Variants in STX19 observed in about 807,000 individuals in gnomAD.
STX19 encodes the protein syntaxin 19, also known as syntaxin-19.
A neutral mutation model predicts 24.3 loss-of-function variants in STX19; 26 were observed. The ratio of observed to expected loss-of-function variants is 1.07; its 90% CI spans 0.78 to 1.48. The LOEUF is 1.48. STX19 is among the 40% of genes most tolerant of loss of function. STX19 has a pLI of 0.00. For missense variants in STX19, 367 were observed against 331.9 expected, an observed-to-expected ratio of 1.11 and a Z score of -0.82; for synonymous variants, 116 against 106.9, an observed-to-expected ratio of 1.09 and a Z score of -0.52.
intron 1 of STX19, among the ~76,000 whole-genome samples, chr3:94,022,676 T>C (rs1470437684): frequency 6.6e-6 from 1 of 152,090 alleles, no homozygotes; most frequent in African/African-American, 2.4e-5. Flanking sequence ...GTTTTTTCAA[T>C]GGATAGAGAT....
intron 1 of STX19, among the ~76,000 whole-genome samples, chr3:94,024,351 C>T (rs995060508): frequency 7.9e-5 from 12 of 152,012 alleles, no homozygotes; most frequent in African/African-American, 2.2e-4. Flanking sequence ...AGCTCAGAGG[C>T]GAGAGAAAGA....
At chr3:94,026,227 G>A (rs1416702509) in intron 1 of STX19, among the ~76,000 whole-genome samples, 4 of 152,134 alleles carry the variant, frequency 2.6e-5, no homozygotes, top group Admixed American at 6.5e-5. Flanking sequence ...CACCGTGTGA[G>A]CCAGGAGAAA....
intron 1 of STX19, among the ~76,000 whole-genome samples, chr3:94,017,071 A>G (rs970705183): frequency 6.6e-6 from 1 of 152,184 alleles, no homozygotes; most frequent in East Asian, 1.9e-4. Context: ...GGTAAGGGGA[A>G]CTCAATAAAC....
Position 94,014,822 on chromosome 3 carries a change from TAA to T in STX19, c.446_447del (p.Phe149TyrfsTer4). On this transcript the variant is annotated frameshift_variant, in exon 2 of 2. Transcript: ENST00000315099. LOFTEE classifies it high-confidence loss of function. Reference protein sequence around the residue: ...AMFRHFQQIMFIYNDTIAAKQ... With the variant: ...AMFRHFQQIMXIYNDTIAAKQ... ...TTTGCTGCTATTGTGTCATTGTATATAAACATGATTTGCTGAAAATGGCGGAA... is the reference window on the plus strand; with the variant it reads ...TTTGCTGCTATTGTGTCATTGTATATACATGATTTGCTGAAAATGGCGGAA... The T allele has an allele frequency of 6.2e-7, 1 of 1,614,124 alleles. No individual in the cohort carries two copies. The highest frequency in any genetic ancestry group is 8.5e-7 in the Non-Finnish European group (1 of 1,179,992).
At position 94,014,754 on chromosome 3, in the gene STX19, A is replaced by G. The variant is rs767552419; in HGVS notation, c.516T>C (p.Val172=). 5 of 1,613,310 alleles carry G rather than the reference A, an allele frequency of 3.1e-6. No individual in the cohort carries two copies. Among genetic ancestry groups the G allele is most frequent in the Non-Finnish European group, 2.5e-6 (3 of 1,179,740 alleles). ...CKTFILRQLE[V]AGKEMSEEDV... ...CTTCTTCAGACATCTCTTTTCCAGC[A>G]ACTTCAAGCTGACGTAAAATAAATG... The change falls in exon 2 of 2, where the codon GTT becomes GTC. Residue 172 remains valine, a synonymous_variant. Transcript: ENST00000315099.
chr3:94,019,974 T>C (rs2076414422), intron 1 of STX19, among the ~76,000 whole-genome samples: 1 of 152,236 alleles, frequency 6.6e-6, no homozygotes, highest in East Asian at 1.9e-4. Context: ...TTTTGAACTA[T>C]ACCTTCTTTC....
chr3:94,024,364 A>C (rs1333051268), intron 1 of STX19, among the ~76,000 whole-genome samples: 1 of 152,220 alleles, frequency 6.6e-6, no homozygotes, highest in African/African-American at 2.4e-5. Context: ...GAGAAAGAGA[A>C]AGTGGCATCA....
At chr3:94,020,387 T>C (rs1222826256) in intron 1 of STX19, among the ~76,000 whole-genome samples, 2 of 152,212 alleles carry the variant, frequency 1.3e-5, no homozygotes, top group African/African-American at 4.8e-5. Flanking sequence ...CAGCTAGTGG[T>C]AGAGTTGAGA....
chr3:94,015,044 T>C lies in STX19; in HGVS notation c.226A>G (p.Lys76Glu), dbSNP rs776401971. 1.9e-6 allele frequency: 3 copies of C among 1,613,960 alleles called. No homozygotes were observed. The highest frequency in any genetic ancestry group is 2.7e-5 in the African/African-American group (2 of 74,930). Reference protein sequence around the residue: ...DNVQKFGQQQKSLVASMRRFS... With the variant: ...DNVQKFGQQQESLVASMRRFS... ...CTTCTCATTGAAGCCACCAGACTTT[T>C]CTGTTGCTGCCCAAATTTTTGAACA... is the stretch of plus-strand genomic sequence containing the variant. Residue 76 changes from lysine to glutamate, a missense_variant, in exon 2 of 2, where the codon AAA becomes GAA. By Grantham distance (56) the Lys-to-Glu change is moderately conservative. Transcript: ENST00000315099.
chr3:94,027,806 A>G (rs910460340), intron 1 of STX19, among the ~76,000 whole-genome samples: 9 of 152,136 alleles, frequency 5.9e-5, no homozygotes, highest in Non-Finnish European at 1.2e-4. Flanking sequence ...TTGAAATATT[A>G]TAAAGGTTAG....
In STX19 at chr3:94,015,114, A is replaced by G. The variant is rs1280248454; in HGVS notation, c.156T>C (p.His52=). ...TACTTTCCTGTAGTTTTTGGATTTCATGTAGGTGTCTCTCAGCTACAGGCT... is the reference window on the plus strand; with the variant it reads ...TACTTTCCTGTAGTTTTTGGATTTCGTGTAGGTGTCTCTCAGCTACAGGCT... The part of the protein sequence containing the change: ...EREPVAERHL[H]EIQKLQESIN... Residue 52 remains histidine, a synonymous_variant, in exon 2 of 2, where the codon CAT becomes CAC. Transcript: ENST00000315099. 1 of 1,613,814 alleles carries G rather than the reference A, an allele frequency of 6.2e-7. No individual in the cohort carries two copies. Among genetic ancestry groups the G allele is most frequent in the Non-Finnish European group, 8.5e-7 (1 of 1,179,914 alleles).
chr3:94,014,780 T>C lies in STX19; in HGVS notation c.490A>G (p.Thr164Ala). The change falls in exon 2 of 2, where the codon ACA becomes GCA. Residue 164 changes from threonine (T) to alanine (A), a missense_variant. Coordinates refer to ENST00000315099, the MANE Select transcript of STX19 (RefSeq NM_001001850.3). The part of the protein sequence containing the change: ...TIAAKQEKCK[T>A]FILRQLEVAG... ...ACTTCAAGCTGACGTAAAATAAATG[T>C]CTTGCACTTCTCTTGCTTTGCTGCT... 6.2e-7 allele frequency: 1 copy of C among 1,613,944 alleles called. No homozygotes were observed. The highest frequency in any genetic ancestry group is 1.1e-5 in the South Asian group (1 of 91,018).
At chr3:94,018,861 G>A (rs748174408) in intron 1 of STX19, among the ~76,000 whole-genome samples, 2 of 152,144 alleles carry the variant, frequency 1.3e-5, no homozygotes, top group Non-Finnish European at 2.9e-5. Flanking sequence ...CGCCGTCCGG[G>A]TTCAAGCAAT....
intron 1 of STX19, among the ~76,000 whole-genome samples, chr3:94,024,140 T>C (rs1348659320): frequency 6.6e-6 from 1 of 152,202 alleles, no homozygotes; most frequent in Non-Finnish European, 1.5e-5. Flanking sequence ...ATTAATTAAT[T>C]AATCAATTAA....
chr3:94,017,772 G>A (rs1165108707), intron 1 of STX19, among the ~76,000 whole-genome samples: 1 of 152,178 alleles, frequency 6.6e-6, no homozygotes, highest in Non-Finnish European at 1.5e-5. Context: ...CAGATGAAGA[G>A]CCGAGGGAGT....
intron 1 of STX19, among the ~76,000 whole-genome samples, chr3:94,018,728 C>CT (rs2076384801): frequency 6.6e-6 from 1 of 152,128 alleles, no homozygotes; most frequent in Non-Finnish European, 1.5e-5. Flanking sequence ...TCTGGCAACT[C>CT]TATTTTTCCA....
intron 1 of STX19, among the ~76,000 whole-genome samples, chr3:94,019,265 T>G (rs1360152100): frequency 1.3e-5 from 2 of 151,508 alleles, no homozygotes; most frequent in Non-Finnish European, 2.9e-5. Flanking sequence ...GGCACAATCT[T>G]GGCTCACTGC....
chr3:94,020,676 G>A (rs536550729), intron 1 of STX19, among the ~76,000 whole-genome samples: 115 of 152,288 alleles, frequency 7.6e-4, no homozygotes, highest in African/African-American at 2.7e-3. Flanking sequence ...AACATTTGCT[G>A]TATTACTTTA....
intron 1 of STX19, among the ~76,000 whole-genome samples, chr3:94,023,005 G>T (rs571165794): frequency 6.6e-6 from 1 of 151,424 alleles, no homozygotes; most frequent in Non-Finnish European, 1.5e-5. Context: ...TCCTTTCCTG[G>T]AAACTCTAAT....
Sources: gnomAD v4.1 joint callset for allele counts (sites outside exome capture counted in the v4.1 genomes callset) on GRCh38, gnomAD v4.1.1 for gene constraint, MANE v1.5 for transcripts, NCBI Gene and HGNC (gene_info 2026-07-23, HGNC 2026-07-21) for gene names.